ZNF506: variants seen among roughly 807,000 people sequenced by gnomAD.
ZNF506 encodes zinc finger protein 506.
ZNF506 carries 10 observed loss-of-function variants against 11.6 expected under a neutral mutation model. The observed-to-expected ratio is 0.86, with a 90% confidence interval of 0.53 to 1.46. The LOEUF (loss-of-function observed/expected upper bound fraction) is 1.46. Ranked by LOEUF, ZNF506 falls within the 40% of genes most tolerant of loss-of-function variation. The probability of loss-of-function intolerance (pLI) is 0.00; values close to 1 mark genes in which losing one functional copy is unlikely to be tolerated. For synonymous variants in ZNF506, 156 were observed against 173.3 expected (o/e 0.90, Z 0.78); for missense variants, 425 against 521.2 (o/e 0.82, Z 1.80).
chr19:19,819,083 G>A lies in ZNF506; in HGVS notation c.3+2518C>T, dbSNP rs187908099. On this transcript the variant is annotated intron_variant, in intron 1 of 3. Coordinates refer to ENST00000540806, the MANE Select transcript of ZNF506 (RefSeq NM_001099269.3). The stretch of plus-strand genomic sequence containing the variant: ...CTATCACCCACCCCATCCTGTTCAG[G>A]TACATGCTCAATAACTACCCTCCCA... Among the ~76,000 whole-genome samples the A allele has an allele frequency of 1.2e-3, 177 of 152,200 alleles. 1 individual carries two copies. Among genetic ancestry groups the A allele is most frequent in the African/African-American group, 4.1e-3 (171 of 41,536 alleles).
At chr19:19,817,746 T>C (rs1445190160) in intron 1 of ZNF506, among the ~76,000 whole-genome samples, 3 of 152,208 alleles carry the variant, frequency 2.0e-5, no homozygotes, top group African/African-American at 4.8e-5. Flanking sequence ...GTCAGAGTTA[T>C]TCACTTGGTT....
chr19:19,801,152 C>A (rs1285731839), intron 3 of ZNF506, among the ~76,000 whole-genome samples: 1 of 151,506 alleles, frequency 6.6e-6, no homozygotes, highest in Non-Finnish European at 1.5e-5. Context: ...AAGAGCAAAA[C>A]TCCCTTTTAA....
intron 1 of ZNF506, chr19:19,820,379 A>G (rs576949553): frequency 1.4e-4 from 21 of 152,252 alleles, no homozygotes; most frequent in African/African-American, 5.1e-4. Flanking sequence ...GGAAATTTCC[A>G]TCTCGATTGT....
At chr19:19,806,834 T>A (rs2062839023) in intron 2 of ZNF506, 108 bp downstream of exon 2, 7 of 1,318,968 alleles carry the variant, frequency 5.3e-6, no homozygotes, top group Non-Finnish European at 7.1e-6. Flanking sequence ...AAAAAGGAGA[T>A]CTGAAACTCT....
intron 1 of ZNF506, among the ~76,000 whole-genome samples, chr19:19,819,773 T>C (rs1245773700): frequency 6.6e-6 from 1 of 152,146 alleles, no homozygotes; most frequent in African/African-American, 2.4e-5. Flanking sequence ...AGAAAACAAA[T>C]CTTTTCAATA....
intron 1 of ZNF506, among the ~76,000 whole-genome samples, chr19:19,809,170 C>CA (rs1215089365): frequency 6.6e-6 from 1 of 152,058 alleles, no homozygotes; most frequent in African/African-American, 2.4e-5. Flanking sequence ...TCAACAGCCA[C>CA]AAAGGAAACA....
At chr19:19,810,826 T>C (rs2062877567) in intron 1 of ZNF506, among the ~76,000 whole-genome samples, 1 of 152,174 alleles carries the variant, frequency 6.6e-6, no homozygotes, top group South Asian at 2.1e-4. Context: ...TTTCAGAAAA[T>C]TGTGAGCACC....
chr19:19,799,862 C>A (rs1413088450), intron 3 of ZNF506, among the ~76,000 whole-genome samples: 3 of 128,258 alleles, frequency 2.3e-5, no homozygotes, highest in African/African-American at 3.2e-5. Context: ...ACAAAGTACC[C>A]AACAGTCTTC....
intron 1 of ZNF506, among the ~76,000 whole-genome samples, chr19:19,815,370 C>T (rs1228930197): frequency 2.0e-5 from 3 of 152,126 alleles, no homozygotes; most frequent in African/African-American, 7.2e-5. Flanking sequence ...TGTGTGTGTT[C>T]GTGAGTGGGT....
intron 3 of ZNF506, among the ~76,000 whole-genome samples, chr19:19,805,316 C>T (rs1364078541): frequency 6.6e-6 from 1 of 151,630 alleles, no homozygotes; most frequent in Non-Finnish European, 1.5e-5. Context: ...TGGAGAAGAT[C>T]CAAGTAAATT....
At chr19:19,814,130 T>C (rs1268905821) in intron 1 of ZNF506, among the ~76,000 whole-genome samples, 1 of 151,898 alleles carries the variant, frequency 6.6e-6, no homozygotes, top group Non-Finnish European at 1.5e-5. Flanking sequence ...ATGCAGAGGC[T>C]GCGTGTGATT....
Position 19,821,721 on chromosome 19 carries a change from G to A in ZNF506, c.-118C>T, listed in dbSNP as rs988055619. 31 of 1,343,270 alleles carry A rather than the reference G, an allele frequency of 2.3e-5. No individual in the cohort carries two copies. The highest frequency in any genetic ancestry group is 1.8e-4 in the Middle Eastern group (1 of 5,468). 83.2% of individuals were successfully genotyped at this position (1,343,270 alleles called of 1,614,324 possible). On this transcript the variant is annotated 5_prime_UTR_variant, in exon 1 of 4. Coordinates refer to ENST00000540806, the MANE Select transcript of ZNF506 (RefSeq NM_001099269.3). Reference sequence around the variant, plus strand: ...ACGGCACAGAGCAGTGAAGACGATAGCTGGATCTCTGGCGTCAGCGAGAGA... The same window carrying A: ...ACGGCACAGAGCAGTGAAGACGATAACTGGATCTCTGGCGTCAGCGAGAGA...
intron 3 of ZNF506, chr19:19,796,383 T>C (rs2062741396): frequency 6.6e-6 from 1 of 151,870 alleles, no homozygotes; most frequent in South Asian, 2.1e-4. Flanking sequence ...CTAGGGGCTT[T>C]TTTATTTTTA....
intron 1 of ZNF506, among the ~76,000 whole-genome samples, chr19:19,818,878 T>C (rs765744334): frequency 2.6e-4 from 40 of 152,158 alleles, no homozygotes; most frequent in African/African-American, 8.7e-4. Flanking sequence ...GTCCTAGCTA[T>C]TGGGGAGGCC....
intron 1 of ZNF506, among the ~76,000 whole-genome samples, chr19:19,816,218 C>T (rs2062930024): frequency 6.6e-6 from 1 of 151,558 alleles, no homozygotes; most frequent in South Asian, 2.1e-4. Flanking sequence ...GAGTCTCACT[C>T]TGTCGCCCAG....
chr19:19,797,801 T>C (rs765335644), intron 3 of ZNF506: 17 of 152,104 alleles, frequency 1.1e-4, no homozygotes, highest in Non-Finnish European at 1.9e-4. Context: ...AACCAATAAA[T>C]TGATCAAAAA....
intron 1 of ZNF506, among the ~76,000 whole-genome samples, chr19:19,812,447 AG>A (rs1422099921): frequency 6.6e-6 from 1 of 152,228 alleles, no homozygotes; most frequent in Non-Finnish European, 1.5e-5. Flanking sequence ...ACTCTACTCC[AG>A]TATCACATTT....
chr19:19,795,890 C>G, intron 3 of ZNF506: 1 of 495,850 alleles, frequency 2.0e-6, no homozygotes, highest in East Asian at 4.5e-5. Flanking sequence ...CAGGTGAGCA[C>G]AATGCAAAGA....
intron 3 of ZNF506, among the ~76,000 whole-genome samples, chr19:19,805,339 A>T (rs2062827529): frequency 6.6e-6 from 1 of 152,194 alleles, no homozygotes; most frequent in African/African-American, 2.4e-5. Context: ...AAAATAGTTT[A>T]TGTCTATGGA....
Sources: gnomAD v4.1 joint callset for allele counts (sites outside exome capture counted in the v4.1 genomes callset) on GRCh38, gnomAD v4.1.1 for gene constraint, MANE v1.5 for transcripts, NCBI Gene and HGNC (gene_info 2026-07-23, HGNC 2026-07-21) for gene names.